Variants in CDK5RAP2 observed in about 807,000 individuals in gnomAD.
CDK5RAP2 encodes CDK5 regulatory subunit associated protein 2, also known as CDK5 regulatory subunit-associated protein 2.
In CDK5RAP2, 147 loss-of-function variants were observed where a neutral mutation model predicts 232.9. The observed-to-expected ratio is 0.63, with a 90% CI of 0.55 to 0.72. The LOEUF (loss-of-function observed/expected upper bound fraction) is 0.72, where lower values mean the gene tolerates loss of function less well. Ranked by LOEUF, CDK5RAP2 falls within the 30% of genes least tolerant of loss-of-function variation. CDK5RAP2 has a pLI of 0.00. For missense variants in CDK5RAP2, 2,195 were observed against 2,231.5 expected (o/e 0.98, Z 0.33); for synonymous variants, 833 against 833.7 (o/e 1.00, Z 0.01).
rs71385064 is a variant in CDK5RAP2, at chr9:120,497,421, TAAAAAAAAAAAAAAAAAAAA to T, written c.1312-5964_1312-5945del. 6.0e-3 allele frequency among the ~76,000 whole-genome samples: 141 copies of T among 23,312 alleles called. 33 individuals carry two copies. The African/African-American group carries it at 0.084, about 14-fold the overall frequency. The allele number at this position is 23,312 out of a possible 152,430, so 15.3% of individuals were successfully genotyped here. A position where few individuals can be genotyped will look rare whatever the true frequency, so the allele number is the denominator to read the frequency against. On this transcript the variant is annotated intron_variant, in intron 12 of 37. Coordinates refer to ENST00000349780, the MANE Select transcript of CDK5RAP2 (RefSeq NM_018249.6). ...AGAATTATCAATAAAAAAATAAATT[TAAAAAAAAAAAAAAAAAAAA>T]AAAAAAAAAAAAAGAATCATCAATG... is the stretch of plus-strand genomic sequence containing the variant.
At chr9:120,435,335 C>T (rs1255085762) in intron 25 of CDK5RAP2, among the ~76,000 whole-genome samples, 1 of 151,982 alleles carries the variant, frequency 6.6e-6, no homozygotes, top group Non-Finnish European at 1.5e-5. Flanking sequence ...GTTGTCAGAG[C>T]CAGGGTTCTT....
At chr9:120,544,214 T>C (rs537798329) in intron 5 of CDK5RAP2, among the ~76,000 whole-genome samples, 6 of 152,286 alleles carry the variant, frequency 3.9e-5, no homozygotes, top group Admixed American at 2.6e-4. Context: ...CAAGCCTTTG[T>C]GAGCTGAGGT....
At chr9:120,423,699 AG>A (rs2034708831) in intron 25 of CDK5RAP2, among the ~76,000 whole-genome samples, 1 of 152,246 alleles carries the variant, frequency 6.6e-6, no homozygotes, top group Admixed American at 6.5e-5. Context: ...GCGTGGCTAA[AG>A]AAAAAAACAA....
intron 3 of CDK5RAP2, among the ~76,000 whole-genome samples, chr9:120,561,365 T>C (rs2042458611): frequency 6.6e-6 from 1 of 152,116 alleles, no homozygotes; most frequent in African/African-American, 2.4e-5. Flanking sequence ...GGCGCATTCA[T>C]GGCTCACTGC....
intron 27 of CDK5RAP2, among the ~76,000 whole-genome samples, chr9:120,417,375 A>C (rs2034292170): frequency 6.6e-6 from 1 of 152,018 alleles, no homozygotes; most frequent in Non-Finnish European, 1.5e-5. Context: ...CACTCCTTAA[A>C]CTTCTGGCAC....
At chr9:120,560,527 G>A (rs1393027235) in intron 3 of CDK5RAP2, among the ~76,000 whole-genome samples, 6 of 152,162 alleles carry the variant, frequency 3.9e-5, no homozygotes, top group African/African-American at 1.4e-4. Context: ...ACAGTCTCAA[G>A]ACAGTATGGC....
chr9:120,441,277 T>C (rs1019457154), intron 23 of CDK5RAP2, among the ~76,000 whole-genome samples: 21 of 152,196 alleles, frequency 1.4e-4, no homozygotes, highest in African/African-American at 3.9e-4. Context: ...TCAACAGACA[T>C]GGTTTCAAAC....
intron 18 of CDK5RAP2, among the ~76,000 whole-genome samples, chr9:120,462,625 A>G (rs566361696): frequency 2.6e-5 from 4 of 152,356 alleles, no homozygotes; most frequent in Admixed American, 2.6e-4. Context: ...TCTCAAAAAC[A>G]TAATGCTGAG....
At chr9:120,472,795 A>C (rs1328217186) in intron 15 of CDK5RAP2, among the ~76,000 whole-genome samples, 1 of 152,226 alleles carries the variant, frequency 6.6e-6, no homozygotes, top group Non-Finnish European at 1.5e-5. Context: ...TGTCCAATAG[A>C]ACTTTCTCCA....
At chr9:120,460,728 T>C in intron 18 of CDK5RAP2, 61 bp from the exon 19 acceptor site, 1 of 1,610,158 alleles carries the variant, frequency 6.2e-7, no homozygotes, top group Non-Finnish European at 8.5e-7. Flanking sequence ...CATGAATATG[T>C]ATGAATAAGT....
At chr9:120,552,393 C>T (rs1451888858) in intron 3 of CDK5RAP2, among the ~76,000 whole-genome samples, 10 of 152,064 alleles carry the variant, frequency 6.6e-5, no homozygotes, top group Middle Eastern at 3.2e-3. Flanking sequence ...CACACGCACA[C>T]GTATGTTCAC....
At chr9:120,416,194 T>C (rs1165790087) in intron 27 of CDK5RAP2, among the ~76,000 whole-genome samples, 1 of 152,196 alleles carries the variant, frequency 6.6e-6, no homozygotes, top group East Asian at 1.9e-4. Flanking sequence ...TAGCGTTAGA[T>C]CCACAGGTTG....
At chr9:120,578,389 T>C (rs959462662) in intron 1 of CDK5RAP2, among the ~76,000 whole-genome samples, 10 of 152,020 alleles carry the variant, frequency 6.6e-5, no homozygotes, top group East Asian at 1.9e-4. Flanking sequence ...GTAAAATAGA[T>C]AGAAAAGGGC....
intron 5 of CDK5RAP2, among the ~76,000 whole-genome samples, chr9:120,543,885 T>A (rs2041738570): frequency 6.6e-6 from 1 of 152,152 alleles, no homozygotes; most frequent in Admixed American, 6.5e-5. Flanking sequence ...TTTACTCCCC[T>A]ACCTATAAAT....
chr9:120,527,961 G>A (rs1445628610), intron 9 of CDK5RAP2, 36 bp from the exon 10 acceptor site: 13 of 1,611,946 alleles, frequency 8.1e-6, no homozygotes, highest in Non-Finnish European at 1.0e-5. Flanking sequence ...CTAAGTTGAT[G>A]CGTTCCAACC....
At chr9:120,401,244 A>G (rs2131261409) in intron 34 of CDK5RAP2, among the ~76,000 whole-genome samples, 1 of 152,220 alleles carries the variant, frequency 6.6e-6, no homozygotes, top group Non-Finnish European at 1.5e-5. Context: ...ACAGCAAGCA[A>G]TAAATGGTTT....
chr9:120,397,562 A>AG (rs2032609949), intron 35 of CDK5RAP2, among the ~76,000 whole-genome samples: 1 of 121,950 alleles, frequency 8.2e-6, no homozygotes, highest in African/African-American at 3.7e-5. Context: ...AAAAAAAAAA[A>AG]AAAGAAAAAA....
chr9:120,541,959 A>T (rs2041651199), intron 5 of CDK5RAP2, among the ~76,000 whole-genome samples: 1 of 152,228 alleles, frequency 6.6e-6, no homozygotes, highest in Admixed American at 6.5e-5. Context: ...AGAAAGCCAG[A>T]TTCTATAAAT....
In CDK5RAP2 at chr9:120,443,437, T is replaced by C. The variant is rs75906965; in HGVS notation, c.3148+183A>G. ...TACTGTACCTTGACTCTTCTCCTACTTACCAGCTGGGTGACCCTGGGTCAA... is the reference window on the plus strand; with the variant it reads ...TACTGTACCTTGACTCTTCTCCTACCTACCAGCTGGGTGACCCTGGGTCAA... On this transcript the variant is annotated intron_variant, in intron 23 of 37. Transcript: ENST00000349780. 5.8e-3 allele frequency among the ~76,000 whole-genome samples: 885 copies of C among 152,340 alleles called. 10 individuals carry two copies. Among genetic ancestry groups the C allele is most frequent in the African/African-American group, 0.02 (814 of 41,572 alleles).
Sources: gnomAD v4.1 joint callset for allele counts (sites outside exome capture counted in the v4.1 genomes callset) on GRCh38, gnomAD v4.1.1 for gene constraint, MANE v1.5 for transcripts, NCBI Gene and HGNC (gene_info 2026-07-23, HGNC 2026-07-21) for gene names.